STAT5B: variants seen among roughly 807,000 people sequenced by gnomAD.
The protein encoded by STAT5B is signal transducer and activator of transcription 5B.
STAT5B carries 21 observed loss-of-function variants against 107.8 expected under a neutral mutation model. The ratio of observed to expected loss-of-function variants is 0.19; its 90% confidence interval spans 0.14 to 0.28. The LOEUF (loss-of-function observed/expected upper bound fraction) is 0.28. STAT5B is among the 10% of genes least tolerant of loss of function. The pLI is 1.00. For synonymous variants in STAT5B, 325 were observed against 401.7 expected (o/e 0.81, Z 2.28); for missense variants, 565 against 1,008.2 (o/e 0.56, Z 5.95).
intron 1 of STAT5B, among the ~76,000 whole-genome samples, chr17:42,260,184 A>G (rs997084786): frequency 1.3e-5 from 2 of 152,194 alleles, no homozygotes; most frequent in Non-Finnish European, 2.9e-5. Context: ...CTGGTGTTCA[A>G]TTTAATACTT....
At chr17:42,217,933 T>G in intron 9 of STAT5B, 1 of 700,796 alleles carries the variant, frequency 1.4e-6, no homozygotes, top group Non-Finnish European at 2.3e-6. Flanking sequence ...CTTGAACTCC[T>G]GACCTCAGGT....
intron 1 of STAT5B, among the ~76,000 whole-genome samples, chr17:42,263,871 G>GCGCGCACACACA (rs1007528555): frequency 2.1e-5 from 3 of 144,936 alleles, no homozygotes; most frequent in African/African-American, 7.7e-5. Context: ...TAGAAAGCGC[G>GCGCGCACACACA]CACACACACA....
chr17:42,267,211 T>C (rs1415059040), intron 1 of STAT5B, among the ~76,000 whole-genome samples: 1 of 152,240 alleles, frequency 6.6e-6, no homozygotes, highest in Non-Finnish European at 1.5e-5. Context: ...TTGATAATGA[T>C]AATAAATGCC....
intron 1 of STAT5B, among the ~76,000 whole-genome samples, chr17:42,266,312 G>A (rs1294591579): frequency 6.6e-6 from 1 of 151,800 alleles, no homozygotes; most frequent in African/African-American, 2.4e-5. Context: ...AGGATCACTT[G>A]AGCTCAGGAC....
chr17:42,279,255 G>A (rs1352864479), upstream of STAT5B, among the ~76,000 whole-genome samples: 1 of 151,954 alleles, frequency 6.6e-6, no homozygotes. Flanking sequence ...GGGTAATCTT[G>A]AGTGTGTTTT....
intron 11 of STAT5B, among the ~76,000 whole-genome samples, chr17:42,216,917 G>T (rs1276887356): frequency 6.6e-6 from 1 of 151,966 alleles, no homozygotes; most frequent in Admixed American, 6.6e-5. Flanking sequence ...GACCTCAAGT[G>T]ACCTGACTGC....
intron 12 of STAT5B, among the ~76,000 whole-genome samples, chr17:42,212,926 T>G (rs1473180490): frequency 1.3e-5 from 2 of 152,246 alleles, no homozygotes; most frequent in Non-Finnish European, 2.9e-5. Flanking sequence ...GTTTCTTGTG[T>G]ATCCCACCAA....
At chr17:42,205,710 G>A (rs1222755168) in intron 16 of STAT5B, among the ~76,000 whole-genome samples, 1 of 152,088 alleles carries the variant, frequency 6.6e-6, no homozygotes, top group Non-Finnish European at 1.5e-5. Flanking sequence ...AGGAATTTGA[G>A]ACCAGTCTGG....
At chr17:42,240,427 T>A (rs1237428217) in intron 1 of STAT5B, among the ~76,000 whole-genome samples, 2 of 152,160 alleles carry the variant, frequency 1.3e-5, no homozygotes, top group African/African-American at 4.8e-5. Flanking sequence ...TTTTATGAAA[T>A]ATCCGGAATA....
intron 8 of STAT5B, 33 bp from the exon 9 acceptor site, chr17:42,218,363 G>A: frequency 6.2e-7 from 1 of 1,606,076 alleles, no homozygotes; most frequent in Non-Finnish European, 8.5e-7. Flanking sequence ...TGCATGATGA[G>A]GGGCTGGTGC....
chr17:42,218,087 C>CT (rs946819325), intron 9 of STAT5B, 64 bp downstream of exon 9: 2 of 1,573,834 alleles, frequency 1.3e-6, no homozygotes, highest in East Asian at 2.4e-5. Context: ...AGGCAGAATT[C>CT]TTTTTTTCCT....
upstream of STAT5B, among the ~76,000 whole-genome samples, chr17:42,278,079 T>C (rs905365969): frequency 6.6e-6 from 1 of 152,206 alleles, no homozygotes; most frequent in Non-Finnish European, 1.5e-5. Flanking sequence ...CTTGTGAGCT[T>C]TCATCCCTGC....
intron 1 of STAT5B, among the ~76,000 whole-genome samples, chr17:42,262,997 TATATATATATATATATATA>T (rs2080628880): frequency 1.6e-5 from 1 of 64,364 alleles, no homozygotes; most frequent in Non-Finnish European, 2.7e-5. Flanking sequence ...TATATATATA[TATATATATATATATATATA>T]AAAAAACAAA....
the STAT5B span, among the ~76,000 whole-genome samples, chr17:42,286,836 T>C: frequency 1.3e-5 from 2 of 152,214 alleles, no homozygotes; most frequent in African/African-American, 4.8e-5. Flanking sequence ...ACCGACAGGC[T>C]GCATGACGGT....
chr17:42,220,498 A>C (rs60219262), intron 5 of STAT5B, among the ~76,000 whole-genome samples: 20,243 of 151,010 alleles, frequency 0.13, 3,128 homozygotes, highest in African/African-American at 0.39. Context: ...GGCTCTGTCT[A>C]GTCCCTGAGC....
intron 1 of STAT5B, among the ~76,000 whole-genome samples, chr17:42,274,296 A>AC (rs2080746270): frequency 6.6e-6 from 1 of 151,316 alleles, no homozygotes; most frequent in African/African-American, 2.4e-5. Context: ...AAAAAAAAAA[A>AC]AAAAAAAAAA....
chr17:42,241,113 C>T (rs1271014241), intron 1 of STAT5B, among the ~76,000 whole-genome samples: 1 of 151,584 alleles, frequency 6.6e-6, no homozygotes, highest in African/African-American at 2.4e-5. Flanking sequence ...CAGAGGCGGG[C>T]AGATCACCTG....
chr17:42,216,142 G>A, intron 11 of STAT5B, 36 bp from the exon 12 acceptor site: 1 of 1,573,826 alleles, frequency 6.4e-7, no homozygotes, highest in Non-Finnish European at 8.7e-7. Context: ...GCGCCCACGA[G>A]CCTCAAGTTC....
At chr17:42,229,900 T>G (rs2080304434) in intron 2 of STAT5B, among the ~76,000 whole-genome samples, 1 of 151,894 alleles carries the variant, frequency 6.6e-6, no homozygotes, top group African/African-American at 2.4e-5. Context: ...TTCATTAAAA[T>G]CTTTATATTC....
Sources: allele counts gnomAD v4.1 joint callset (sites outside exome capture counted in the v4.1 genomes callset), GRCh38; gene constraint gnomAD v4.1.1; transcripts MANE v1.5; gene names NCBI Gene and HGNC (gene_info 2026-07-23, HGNC 2026-07-21).